The following CWC22 variants were observed in gnomAD, a reference collection of about 807,000 sequenced individuals.
CWC22 encodes the protein pre-mRNA-splicing factor CWC22 homolog.
In CWC22, 53 loss-of-function variants were observed where a neutral mutation model predicts 117.2. The ratio of observed to expected loss-of-function variants is 0.45; its 90% CI spans 0.36 to 0.57. The LOEUF (loss-of-function observed/expected upper bound fraction) is 0.57, where lower values mean the gene tolerates loss of function less well. CWC22 is among the 20% of genes least tolerant of loss of function. The pLI is 0.00. For synonymous variants in CWC22, 360 were observed against 355.6 expected (o/e 1.01, Z -0.14); for missense variants, 980 against 1,068.8 (o/e 0.92, Z 1.16).
intron 17 of CWC22, among the ~76,000 whole-genome samples, chr2:179,951,165 C>CT (rs1222698693): frequency 2.0e-5 from 3 of 151,798 alleles, no homozygotes; most frequent in Admixed American, 6.6e-5. Flanking sequence ...TTTTAAAAAA[C>CT]TTTTTTTACA....
At chr2:179,988,680 T>G (rs200408467) in intron 2 of CWC22, 36 bp from the exon 3 acceptor site, 216 of 1,143,914 alleles carry the variant, frequency 1.9e-4, no homozygotes, top group Non-Finnish European at 2.5e-4. Flanking sequence ...ATTTCAAAAA[T>G]TATTTATGTT....
chr2:179,975,344 T>G (rs1687130078), intron 6 of CWC22, among the ~76,000 whole-genome samples: 1 of 152,156 alleles, frequency 6.6e-6, no homozygotes, highest in Non-Finnish European at 1.5e-5. Flanking sequence ...TACTCAACGG[T>G]GACAAGCTGA....
chr2:180,003,457 C>T (rs1687893614), intron 1 of CWC22, among the ~76,000 whole-genome samples: 1 of 152,168 alleles, frequency 6.6e-6, no homozygotes, highest in Non-Finnish European at 1.5e-5. Flanking sequence ...TATGGGTGAA[C>T]ACATTCTGCC....
chr2:179,983,165 G>A (rs1261254530), intron 4 of CWC22, among the ~76,000 whole-genome samples: 2 of 152,034 alleles, frequency 1.3e-5, no homozygotes, highest in Non-Finnish European at 1.5e-5. Flanking sequence ...GTAAACTTGT[G>A]TCATGGGGGT....
Position 179,945,340 on chromosome 2 carries a change from C to T in CWC22, c.2516G>A (p.Arg839Gln), listed in dbSNP as rs200967500. ...SFSENEKHTH[R>Q]IKDSENFRRK... is the part of the protein sequence containing the mutation. ...TCTGAAATTTTCACTGTCTTTAATTCGGTGTGTATGCTTCTCATTTTCAGA... is the reference window on the plus strand; with the variant it reads ...TCTGAAATTTTCACTGTCTTTAATTTGGTGTGTATGCTTCTCATTTTCAGA... Residue 839 changes from arginine (R) to glutamine (Q), a missense_variant, in exon 20 of 20, where the codon CGA becomes CAA. Physicochemically the swap from Arg to Gln is conservative, Grantham distance 43. This residue lies in a region of CWC22 where 306 missense variants were observed against 296.8 expected (regional missense o/e 1.03). Transcript: ENST00000410053. The T allele has an allele frequency of 4.9e-5, 79 of 1,612,992 alleles. No homozygotes were observed. The highest frequency in any genetic ancestry group is 2.4e-5 in the Non-Finnish European group (28 of 1,179,642).
chr2:179,973,665 T>C lies in CWC22; in HGVS notation c.719A>G (p.Asn240Ser). The change falls in exon 7 of 20, where the codon AAT becomes AGT. Residue 240 changes from asparagine to serine, a missense_variant. Asn to Ser is a conservative substitution (Grantham distance 46). Transcript: ENST00000410053. ...ATTTCTTCGATAGCCTTTTCGAAAA[T>C]TAAGAATTAACCTTTTGAGGATTAA... ...GELILKRLILNFRKGYRRNDK... is the reference protein window; with the variant it reads ...GELILKRLILSFRKGYRRNDK... The C allele has an allele frequency of 6.2e-7, 1 of 1,609,496 alleles. No individual in the cohort carries two copies.
intron 6 of CWC22, among the ~76,000 whole-genome samples, chr2:179,974,653 A>G (rs115103809): frequency 1.9e-4 from 29 of 152,304 alleles, no homozygotes; most frequent in African/African-American, 7.0e-4. Context: ...TTCTAAGTAA[A>G]TTGGAGAGAT....
intron 6 of CWC22, among the ~76,000 whole-genome samples, chr2:179,974,734 ACTTTATAC>A (rs1297057004): frequency 1.3e-5 from 2 of 151,952 alleles, no homozygotes; most frequent in African/African-American, 2.4e-5. Flanking sequence ...TGCTGCTCCT[ACTTTATAC>A]CCCCACCTTT....
At chr2:179,948,764 C>T (rs780376580) in intron 19 of CWC22, among the ~76,000 whole-genome samples, 6 of 151,896 alleles carry the variant, frequency 4.0e-5, no homozygotes, top group East Asian at 1.9e-4. Context: ...AAGGAAAGCC[C>T]GAGAGGAACT....
chr2:179,973,676 C>G lies in CWC22; in HGVS notation c.708G>C (p.Arg236Ser). ...AGCCTTTTCGAAAATTAAGAATTAA[C>G]CTTTTGAGGATTAATTCTCCAATTT... ...FPQIGELILK[R>S]LILNFRKGYR... Residue 236 changes from arginine to serine, a missense_variant, in exon 7 of 20, where the codon AGG becomes AGC. Transcript: ENST00000410053. 6.2e-7 allele frequency: 1 copy of G among 1,608,928 alleles called. No individual in the cohort carries two copies. The highest frequency in any genetic ancestry group is 8.5e-7 in the Non-Finnish European group (1 of 1,176,342).
chr2:179,978,185 C>T lies in CWC22; in HGVS notation c.581+5G>A. 2 of 1,522,020 alleles carry T rather than the reference C, an allele frequency of 1.3e-6. No individual in the cohort carries two copies. The highest frequency in any genetic ancestry group is 1.8e-6 in the Non-Finnish European group (2 of 1,141,590). 94.3% of individuals were successfully genotyped at this position (1,522,020 alleles called of 1,614,324 possible). On this transcript the variant is annotated splice_donor_5th_base_variant and intron_variant, in intron 6 of 19. Transcript: ENST00000410053. ...AATACTACAAATAAAATAGCCAATA[C>T]TTACCTTCCTCTAACTATATTTTCT...
chr2:179,981,582 C>A (rs78884649), intron 5 of CWC22, among the ~76,000 whole-genome samples, 170 bp downstream of exon 5: 24 of 152,116 alleles, frequency 1.6e-4, no homozygotes, highest in African/African-American at 5.8e-4. Flanking sequence ...TATAAGGGCA[C>A]GTAGTGTGTG....
chr2:179,945,493 TTG>T lies in CWC22; in HGVS notation c.2361_2362del (p.Asp787GlufsTer6). On this transcript the variant is annotated frameshift_variant, in exon 20 of 20. Coordinates refer to ENST00000410053, the MANE Select transcript of CWC22 (RefSeq NM_020943.3). LOFTEE classifies it high-confidence loss of function. ...GTTATTTCGTTCAGAAGGAACATCT[TTG>T]TCTGATGTGTACTTTGTTATAGGAT... 6.2e-7 allele frequency: 1 copy of T among 1,613,088 alleles called. No individual in the cohort carries two copies. The highest frequency in any genetic ancestry group is 8.5e-7 in the Non-Finnish European group (1 of 1,179,322).
intron 13 of CWC22, among the ~76,000 whole-genome samples, chr2:179,960,556 C>T (rs180872261): frequency 1.3e-5 from 2 of 151,900 alleles, no homozygotes; most frequent in African/African-American, 2.4e-5. Context: ...GAGGTAAAAA[C>T]ACCTAAAGGA....
intron 11 of CWC22, among the ~76,000 whole-genome samples, chr2:179,967,465 A>G (rs1317820553): frequency 6.6e-6 from 1 of 152,194 alleles, no homozygotes; most frequent in Non-Finnish European, 1.5e-5. Context: ...TATTTTCATA[A>G]TAATACCAAG....
At chr2:179,945,765 CATAATT>C (rs1686277906) in intron 19 of CWC22, 50 bp from the exon 20 acceptor site, 1 of 1,149,278 alleles carries the variant, frequency 8.7e-7, no homozygotes, top group Admixed American at 2.6e-5. Flanking sequence ...ATCTTAATTT[CATAATT>C]ATAACAATCA....
intron 1 of CWC22, among the ~76,000 whole-genome samples, chr2:179,996,465 GA>G (rs537863693): frequency 6.6e-6 from 1 of 152,116 alleles, no homozygotes; most frequent in Admixed American, 6.5e-5. Flanking sequence ...CAAAGATAAA[GA>G]GAAAAATCCT....
chr2:179,950,523 C>T lies in CWC22; in HGVS notation c.2129G>A (p.Ser710Asn). Residue 710 changes from serine (S) to asparagine (N), a missense_variant, in exon 19 of 20, where the codon AGC (serine) becomes AAC (asparagine). Ser to Asn is a conservative substitution (Grantham distance 46). Transcript: ENST00000410053. ...ESDSSSISSHSSASANDVRKK... is the reference protein window; with the variant it reads ...ESDSSSISSHNSASANDVRKK... ...ATAAGCTTCAATACCTGAGGCAGAG[C>T]TATGACTACTGATGGATGAAGAGTC... 7.5e-6 allele frequency: 12 copies of T among 1,607,048 alleles called. No individual in the cohort carries two copies. The highest frequency in any genetic ancestry group is 1.0e-5 in the Non-Finnish European group (12 of 1,174,936).
At chr2:179,981,616 A>T in intron 5 of CWC22, 136 bp downstream of exon 5, 1 of 660,542 alleles carries the variant, frequency 1.5e-6, no homozygotes, top group Non-Finnish European at 2.6e-6. Flanking sequence ...GCTATAAAGT[A>T]AAGAGGTCTC....
Sources: allele counts gnomAD v4.1 joint callset (sites outside exome capture counted in the v4.1 genomes callset), GRCh38; gene constraint gnomAD v4.1.1; regional missense constraint gnomAD v4.1.1; transcripts MANE v1.5; gene names NCBI Gene and HGNC (gene_info 2026-07-23, HGNC 2026-07-21).